The following TERF1 variants were observed in gnomAD, a reference collection of about 807,000 sequenced individuals.
TERF1 encodes the protein telomeric repeat binding factor 1, also known as telomeric repeat-binding factor 1.
Under a neutral mutation model 55.1 loss-of-function variants are expected in TERF1, and 20 were observed. The ratio of observed to expected loss-of-function variants is 0.36; its 90% confidence interval spans 0.26 to 0.53. The LOEUF is 0.53. TERF1 is among the 20% of genes least tolerant of loss of function. The pLI is 0.91. For synonymous variants in TERF1, 168 were observed against 181.2 expected (o/e 0.93, Z 0.59); for missense variants, 439 against 535.7 (o/e 0.82, Z 1.78).
At chr8:73,028,571 ATTTTTTTTT>A (rs59423351) in intron 6 of TERF1, among the ~76,000 whole-genome samples, 1 of 104,424 alleles carries the variant, frequency 9.6e-6, no homozygotes, top group Non-Finnish European at 1.8e-5. Context: ...ACGTAGACCC[ATTTTTTTTT>A]TTTTTTTTTT....
chr8:73,012,727 C>T (rs371594551), intron 1 of TERF1: 324 of 264,114 alleles, frequency 1.2e-3, no homozygotes, highest in African/African-American at 6.8e-3. Flanking sequence ...GGTAAACTTT[C>T]AATTTGTAAA....
chr8:73,036,114 A>G (rs1200041092), intron 8 of TERF1, among the ~76,000 whole-genome samples: 1 of 152,222 alleles, frequency 6.6e-6, no homozygotes, highest in Non-Finnish European at 1.5e-5. Flanking sequence ...GAAGGCAGTA[A>G]GTTATATTTC....
intron 8 of TERF1, among the ~76,000 whole-genome samples, chr8:73,038,472 T>C (rs1446391916): frequency 6.6e-6 from 1 of 151,996 alleles, no homozygotes. Context: ...AAAAAAAAAG[T>C]TACCTCTAAG....
chr8:73,012,994 T>C (rs1004656273), intron 1 of TERF1: 13 of 454,300 alleles, frequency 2.9e-5, no homozygotes, highest in Non-Finnish European at 5.8e-5. Context: ...AAAATCCTGT[T>C]AAATTCTATT....
intron 8 of TERF1, among the ~76,000 whole-genome samples, chr8:73,036,041 AGTT>A (rs1303320704): frequency 6.6e-6 from 1 of 152,214 alleles, no homozygotes; most frequent in Non-Finnish European, 1.5e-5. Flanking sequence ...GCATTGATGT[AGTT>A]GTTCAGATTT....
chr8:73,043,227 GT>G (rs1337072528), intron 9 of TERF1: 1 of 152,102 alleles, frequency 6.6e-6, no homozygotes, highest in Non-Finnish European at 1.5e-5. Context: ...TCTGTATGAT[GT>G]TTTCAAAACT....
At chr8:73,026,852 GAATTACAAGGCTT>G in intron 5 of TERF1, 75 bp from the exon 6 acceptor site, 1 of 996,048 alleles carries the variant, frequency 1.0e-6, no homozygotes, top group South Asian at 1.4e-5. Context: ...GACTATCAAA[GAATTACAAGGCTT>G]AATTTAATGC....
At chr8:73,015,691 T>A (rs952532704) in intron 2 of TERF1, among the ~76,000 whole-genome samples, 3 of 143,074 alleles carry the variant, frequency 2.1e-5, no homozygotes, top group East Asian at 4.0e-4. Context: ...CAAAAAAAAA[T>A]AAAAATAAAA....
chr8:73,031,126 T>C (rs1809264704), intron 7 of TERF1: 2 of 152,256 alleles, frequency 1.3e-5, no homozygotes, highest in South Asian at 2.1e-4. Flanking sequence ...GAAGTTTCTA[T>C]GGAAGCAGGA....
rs751228112 is a variant in TERF1 at position 73,008,914 on chromosome 8, C to T, written c.28C>T (p.Pro10Ser). 1.9e-6 allele frequency: 3 copies of T among 1,610,804 alleles called. No homozygotes were observed. The Admixed American group carries it at 5.0e-5, about 27-fold the overall frequency. Residue 10 changes from proline (P) to serine (S), a missense_variant, in exon 1 of 10, where the codon CCG becomes TCG. Pro to Ser is a moderately conservative substitution (Grantham distance 74, BLOSUM62 -1). Coordinates refer to ENST00000276603, the MANE Select transcript of TERF1 (RefSeq NM_017489.3). ...GGCGGAGGATGTTTCCTCAGCGGCC[C>T]CGAGCCCGCGGGGCTGTGCGGATGG... is the stretch of plus-strand genomic sequence containing the variant. Reference protein sequence around the residue: MAEDVSSAAPSPRGCADGRD... With the variant: MAEDVSSAASSPRGCADGRD...
chr8:73,009,078 G>A lies in TERF1; in HGVS notation c.192G>A (p.Ala64=), dbSNP rs779841708. Reference sequence around the variant, plus strand: ...AGGAGGAGGAGGAGGAGGAGGACGCGGGCCTGGTGGCCGAGGCCGAGGCCG... The same window carrying A: ...AGGAGGAGGAGGAGGAGGAGGACGCAGGCCTGGTGGCCGAGGCCGAGGCCG... The part of the protein sequence containing the change: ...PEEEEEEEED[A]GLVAEAEAVA... The change falls in exon 1 of 10, where the codon GCG becomes GCA. Residue 64 remains alanine, a synonymous_variant. Transcript: ENST00000276603. 3.7e-6 allele frequency: 6 copies of A among 1,609,084 alleles called. No homozygotes were observed. The Admixed American group carries it at 6.7e-5, about 18-fold the overall frequency.
chr8:73,031,823 T>C, intron 7 of TERF1: 1 of 345,978 alleles, frequency 2.9e-6, no homozygotes, highest in Non-Finnish European at 5.2e-6. Context: ...AACATCTTGA[T>C]TTCTGCGGAG....
intron 8 of TERF1, among the ~76,000 whole-genome samples, chr8:73,037,189 TA>T (rs1809564190): frequency 7.5e-6 from 1 of 132,862 alleles, no homozygotes; most frequent in Admixed American, 8.8e-5. Context: ...AATATAATAA[TA>T]TATATTATAT....
At chr8:73,015,612 C>T (rs953999846) in intron 2 of TERF1, among the ~76,000 whole-genome samples, 28 of 151,796 alleles carry the variant, frequency 1.8e-4, no homozygotes, top group Admixed American at 1.1e-3. Context: ...CCGAGGTGAG[C>T]GGATCACGAG....
chr8:73,009,906 CTGGA>C (rs1808215481), intron 1 of TERF1: 2 of 152,012 alleles, frequency 1.3e-5, no homozygotes, highest in Non-Finnish European at 2.9e-5. Flanking sequence ...GTCACCCAGG[CTGGA>C]GAGTGTAGTG....
intron 1 of TERF1, chr8:73,011,616 C>G (rs1047493795): frequency 6.6e-6 from 1 of 152,268 alleles, no homozygotes; most frequent in Non-Finnish European, 1.5e-5. Flanking sequence ...GCTAGATCTT[C>G]TCAATAACTT....
intron 9 of TERF1, among the ~76,000 whole-genome samples, chr8:73,039,633 G>C (rs1338440889): frequency 6.6e-6 from 1 of 152,048 alleles, no homozygotes; most frequent in Non-Finnish European, 1.5e-5. Flanking sequence ...GGTCAATTTA[G>C]GGCTTGATTC....
At chr8:73,033,937 T>C (rs1809404378) in intron 8 of TERF1, among the ~76,000 whole-genome samples, 1 of 152,112 alleles carries the variant, frequency 6.6e-6, no homozygotes, top group East Asian at 1.9e-4. Context: ...GTGCTAAACC[T>C]TTTTTTCTCT....
intron 9 of TERF1, among the ~76,000 whole-genome samples, chr8:73,039,865 G>A (rs78584211): frequency 0.034 from 5,091 of 150,394 alleles, 188 homozygotes; most frequent in African/African-American, 0.095. Context: ...TGCCCAGGCT[G>A]GTCTTGAATT....
Sources: allele counts gnomAD v4.1 joint callset (sites outside exome capture counted in the v4.1 genomes callset), GRCh38; gene constraint gnomAD v4.1.1; transcripts MANE v1.5; gene names NCBI Gene and HGNC (gene_info 2026-07-23, HGNC 2026-07-21).